PLCXD1: variants seen among roughly 807,000 people sequenced by gnomAD.
PLCXD1 encodes the protein phosphatidylinositol specific phospholipase C X domain containing 1, also known as PI-PLC X domain-containing protein 1.
A neutral mutation model predicts 37.8 loss-of-function variants in PLCXD1; 45 were observed. The observed-to-expected ratio is 1.19, with a 90% CI of 0.94 to 1.53. PLCXD1 has a LOEUF of 1.53. Among genes scored for constraint, PLCXD1 ranks in the 40% most tolerant of loss-of-function variants. PLCXD1 has a pLI of 0.00. For synonymous variants in PLCXD1, 246 were observed against 206.9 expected (o/e 1.19, Z -1.62); for missense variants, 539 against 454.7 (o/e 1.19, Z -1.69).
rs748816673 is a variant in PLCXD1 at position 291,498 on chromosome X, G to T, written c.394-1G>T. On this transcript the variant is annotated splice_acceptor_variant, in intron 4 of 6. Coordinates refer to ENST00000381657, the MANE Select transcript of PLCXD1 (RefSeq NM_018390.4). LOFTEE classifies it high-confidence loss of function. ...ACTCAGCCCAGCACCCCCCTCCCCAGGACACACTCACGGAAATCTCGGAGT... is the reference window on the plus strand; with the variant it reads ...ACTCAGCCCAGCACCCCCCTCCCCATGACACACTCACGGAAATCTCGGAGT... The T allele has an allele frequency of 3.7e-6, 6 of 1,612,282 alleles. No homozygotes were observed. Among genetic ancestry groups the T allele is most frequent in the Non-Finnish European group, 5.1e-6 (6 of 1,179,834 alleles).
At chrX:288,029 T>C (rs1370547400) in intron 2 of PLCXD1, among the ~76,000 whole-genome samples, 1 of 151,958 alleles carries the variant, frequency 6.6e-6, no homozygotes, top group East Asian at 1.9e-4. Flanking sequence ...TCCTGGGGGC[T>C]CCAGGCATCC....
At position 284,285 on chromosome X, in the gene PLCXD1, A is replaced by G. The variant is rs754904234; in HGVS notation, c.98A>G (p.Asp33Gly). 33 of 1,613,222 alleles carry G rather than the reference A, an allele frequency of 2.0e-5. No homozygotes were observed. The highest frequency in any genetic ancestry group is 1.5e-4 in the Admixed American group (9 of 59,980). The change falls in exon 2 of 7, where the codon GAT becomes GGT. Residue 33 changes from aspartate (D) to glycine (G), a missense_variant. Asp to Gly is a moderately conservative substitution (Grantham distance 94). Coordinates refer to ENST00000381657, the MANE Select transcript of PLCXD1 (RefSeq NM_018390.4). Reference protein sequence around the residue: ...WMSALCPRLWDVPLHHLSIPG... With the variant: ...WMSALCPRLWGVPLHHLSIPG... ...TCGGCACTGTGTCCCCGGCTCTGGG[A>G]TGTGCCCCTCCACCACCTCTCCATC... is the stretch of plus-strand genomic sequence containing the variant.
Position 291,523 on chromosome X carries a change from T to G in PLCXD1, c.418T>G (p.Trp140Gly), listed in dbSNP as rs1259558826. ...GGACACACTCACGGAAATCTCGGAG[T>G]GGCTGGAGCGGCATCCACGCGAGGT... ...VEDTLTEISE[W>G]LERHPREVVI... is the part of the protein sequence containing the mutation. Residue 140 changes from tryptophan to glycine, a missense_variant, in exon 5 of 7, where the codon TGG (tryptophan) becomes GGG (glycine). Trp to Gly is a radical substitution (Grantham distance 184, BLOSUM62 -2). Transcript: ENST00000381657. The G allele has an allele frequency of 6.2e-7, 1 of 1,612,070 alleles. No individual in the cohort carries two copies.
chrX:292,366 G>A (rs2069665366), intron 5 of PLCXD1, among the ~76,000 whole-genome samples: 1 of 152,062 alleles, frequency 6.6e-6, no homozygotes, highest in African/African-American at 2.4e-5. Context: ...GGCTGAGGCA[G>A]GAGAATGGTG....
intron 6 of PLCXD1, among the ~76,000 whole-genome samples, chrX:297,488 G>A (rs1355951520): frequency 2.0e-5 from 1 of 50,342 alleles, no homozygotes; most frequent in Non-Finnish European, 3.7e-5. Context: ...GGATTAGGAC[G>A]TGGACATCTT....
chrX:288,789 G>T lies in PLCXD1; in HGVS notation c.184G>T (p.Glu62Ter). ...LNKKSPISHE[E>*]SRLLQLLNKA... ...CAAGAAGTCCCCCATTTCGCACGAG[G>T]AGTCCCGGCTGCTGCAGCTGCTGAA... The change falls in exon 3 of 7, where the codon GAG becomes TAG. Residue 62 changes from glutamate (E) to a stop codon, truncating the protein, a stop_gained. Coordinates refer to ENST00000381657, the MANE Select transcript of PLCXD1 (RefSeq NM_018390.4). LOFTEE classifies it high-confidence loss of function. 1 of 1,613,804 alleles carries T rather than the reference G, an allele frequency of 6.2e-7. No individual in the cohort carries two copies. The highest frequency in any genetic ancestry group is 8.5e-7 in the Non-Finnish European group (1 of 1,179,720).
intron 3 of PLCXD1, among the ~76,000 whole-genome samples, chrX:290,314 C>G (rs187663547): frequency 6.6e-6 from 1 of 152,058 alleles, no homozygotes; most frequent in Admixed American, 6.5e-5. Context: ...CCTGCAGTCC[C>G]AGCTACTGGG....
chrX:284,604 ACACGCACAC>A (rs1349027225), intron 2 of PLCXD1, among the ~76,000 whole-genome samples: 1 of 34,836 alleles, frequency 2.9e-5, no homozygotes, highest in Non-Finnish European at 1.1e-4. Flanking sequence ...ACACACGCAC[ACACGCACAC>A]ATGCACATCT....
intron 2 of PLCXD1, among the ~76,000 whole-genome samples, chrX:286,885 A>G (rs1383848432): frequency 6.6e-6 from 1 of 151,886 alleles, no homozygotes; most frequent in African/African-American, 2.4e-5. Flanking sequence ...CAGGAGAAGT[A>G]CTGGTCTCCT....
intron 2 of PLCXD1, among the ~76,000 whole-genome samples, chrX:287,444 C>T (rs2069484467): frequency 7.9e-6 from 1 of 126,300 alleles, no homozygotes; most frequent in South Asian, 2.4e-4. Flanking sequence ...TATATATACA[C>T]TATATATGTT....
upstream of PLCXD1, among the ~76,000 whole-genome samples, chrX:277,358 T>A (rs2069178477): frequency 5.1e-5 from 4 of 78,558 alleles, no homozygotes; most frequent in East Asian, 3.5e-4. Context: ...TGGGGACAGG[T>A]GTGGGGACAG....
Position 302,585 on chromosome X carries a change from G to A in PLCXD1, c.*3250G>A, listed in dbSNP as rs1345130813. On this transcript the variant is annotated 3_prime_UTR_variant, in exon 7 of 7. Coordinates refer to ENST00000381657, the MANE Select transcript of PLCXD1 (RefSeq NM_018390.4). ...ATTTTGTATTTGTATTTTTATTTAT[G>A]TTTTGAGACGGAGTTTCGCTCTCGT... 1 of 151,836 alleles carries A rather than the reference G, an allele frequency of 6.6e-6. No individual in the cohort carries two copies. Among genetic ancestry groups the A allele is most frequent in the African/African-American group, 2.4e-5 (1 of 41,334 alleles). 9.4% of individuals were successfully genotyped at this position (151,836 alleles called of 1,614,324 possible). A position where few individuals can be genotyped will look rare whatever the true frequency, so the allele number is the denominator to read the frequency against.
intron 6 of PLCXD1, 140 bp from the exon 7 acceptor site, chrX:298,957 C>A: frequency 1.4e-6 from 1 of 698,188 alleles, no homozygotes; most frequent in South Asian, 1.7e-5. Flanking sequence ...ATAAGCAAAG[C>A]TCACCCAATT....
At chrX:295,293 AGGAGCCTGAGGGAGGGAG>A in intron 6 of PLCXD1, among the ~76,000 whole-genome samples, 1 of 152,176 alleles carries the variant, frequency 6.6e-6, no homozygotes, top group Non-Finnish European at 1.5e-5. Flanking sequence ...CTCCGGAGGC[AGGAGCCTGAGGGAGGGAG>A]GGAGGAAGGT....
intron 2 of PLCXD1, among the ~76,000 whole-genome samples, chrX:287,482 T>A (rs990929055): frequency 1.5e-5 from 2 of 130,880 alleles, no homozygotes; most frequent in Admixed American, 7.9e-5. Context: ...CTATATATGT[T>A]TATATATAGA....
At chrX:277,189 C>A (rs757849884), upstream of PLCXD1, among the ~76,000 whole-genome samples, 1 of 119,690 alleles carries the variant, frequency 8.4e-6, no homozygotes, top group African/African-American at 3.7e-5. Flanking sequence ...GGGAAGGCGT[C>A]GGGGGACCTG....
intron 5 of PLCXD1, 106 bp from the exon 6 acceptor site, chrX:292,929 T>G: frequency 2.7e-6 from 2 of 733,406 alleles, no homozygotes; most frequent in Non-Finnish European, 2.2e-6. Context: ...TCATTTTTGG[T>G]TTATACTCGT....
intron 2 of PLCXD1, among the ~76,000 whole-genome samples, chrX:286,148 T>C (rs2069446406): frequency 6.6e-6 from 1 of 151,742 alleles, no homozygotes; most frequent in Non-Finnish European, 1.5e-5. Context: ...CATCGCAACC[T>C]CTGCCTCCTG....
chrX:288,775 C>G lies in PLCXD1; in HGVS notation c.170C>G (p.Pro57Arg). The part of the protein sequence containing the change: ...TMTYCLNKKS[P>R]ISHEESRLLQ... ...ACGTACTGCCTGAACAAGAAGTCCC[C>G]CATTTCGCACGAGGAGTCCCGGCTG... is the stretch of plus-strand genomic sequence containing the variant. Residue 57 changes from proline (P) to arginine (R), a missense_variant, in exon 3 of 7, where the codon CCC (proline) becomes CGC (arginine). Pro to Arg is a moderately radical substitution (Grantham distance 103). Coordinates refer to ENST00000381657, the MANE Select transcript of PLCXD1 (RefSeq NM_018390.4). 2 of 1,613,840 alleles carry G rather than the reference C, an allele frequency of 1.2e-6. No homozygotes were observed. Among genetic ancestry groups the G allele is most frequent in the Non-Finnish European group, 1.7e-6 (2 of 1,179,738 alleles).
Sources: gnomAD v4.1 joint callset for allele counts (sites outside exome capture counted in the v4.1 genomes callset) on GRCh38, gnomAD v4.1.1 for gene constraint, MANE v1.5 for transcripts, NCBI Gene and HGNC (gene_info 2026-07-23, HGNC 2026-07-21) for gene names.